ENOX2: variants seen among roughly 807,000 people sequenced by gnomAD.
ENOX2 encodes the protein APK1 antigen.
Under a neutral mutation model 45.0 loss-of-function variants are expected in ENOX2, and 36 were observed. That is an observed-to-expected ratio of 0.80 (90% CI 0.61 to 1.06). The LOEUF is 1.06. Ranked by LOEUF, ENOX2 falls within the 50% of genes least tolerant of loss-of-function variation. The probability of loss-of-function intolerance (pLI) is 0.00; values close to 1 mark genes in which losing one functional copy is unlikely to be tolerated. For missense variants in ENOX2, 423 were observed against 462.5 expected (o/e 0.91, Z 0.78); for synonymous variants, 174 against 152.3 (o/e 1.14, Z -1.05).
intron 3 of ENOX2, among the ~76,000 whole-genome samples, chrX:130,769,865 A>T (rs1291998021): frequency 8.9e-6 from 1 of 112,506 alleles, no homozygotes; most frequent in African/African-American, 3.2e-5. Flanking sequence ...CGATTAGCAA[A>T]CTTTTTATTT....
intron 2 of ENOX2, among the ~76,000 whole-genome samples, chrX:130,895,581 G>A (rs1461515507): frequency 1.8e-5 from 2 of 111,950 alleles, no homozygotes; most frequent in Admixed American, 9.5e-5. Flanking sequence ...TCTGCCTACC[G>A]AGGCATTTGG....
chrX:130,848,566 C>T (rs2078153012), intron 2 of ENOX2, among the ~76,000 whole-genome samples: 1 of 112,184 alleles, frequency 8.9e-6, no homozygotes, highest in Non-Finnish European at 1.9e-5. Context: ...CTAATTCTAT[C>T]TGGCCACAAA....
intron 2 of ENOX2, among the ~76,000 whole-genome samples, chrX:130,860,985 A>G (rs2078398856): frequency 1.8e-5 from 2 of 112,126 alleles, no homozygotes; most frequent in Admixed American, 1.9e-4. Flanking sequence ...ATCTATAAAA[A>G]TGACCAGGAG....
At chrX:130,900,246 T>C (rs779194221) in intron 2 of ENOX2, among the ~76,000 whole-genome samples, 1 of 113,094 alleles carries the variant, frequency 8.8e-6, no homozygotes, top group Non-Finnish European at 1.9e-5. Flanking sequence ...TATTTGTCTT[T>C]AAATGAACTG....
intron 2 of ENOX2, among the ~76,000 whole-genome samples, chrX:130,843,182 A>T (rs190392432): frequency 3.3e-3 from 363 of 111,513 alleles, no homozygotes; most frequent in African/African-American, 0.011. Context: ...CGTGTTCTCC[A>T]AGTCAGTAAA....
At chrX:130,739,793 T>C (rs751288438) in intron 3 of ENOX2, among the ~76,000 whole-genome samples, 1 of 111,915 alleles carries the variant, frequency 8.9e-6, no homozygotes, top group South Asian at 3.8e-4. Context: ...AACTCACCAA[T>C]ATATTTCTCC....
intron 13 of ENOX2, among the ~76,000 whole-genome samples, chrX:130,630,446 A>G (rs1275636661): frequency 9.0e-6 from 1 of 110,723 alleles, no homozygotes; most frequent in African/African-American, 3.3e-5. Flanking sequence ...CTAATCACCA[A>G]TAGCCAGTGA....
intron 14 of ENOX2, 91 bp downstream of exon 14, chrX:130,627,867 T>C: frequency 5.0e-6 from 3 of 596,641 alleles, no homozygotes; most frequent in Non-Finnish European, 5.9e-6. Context: ...AAGCAGTAAC[T>C]AATGACCTAT....
intron 2 of ENOX2, among the ~76,000 whole-genome samples, chrX:130,839,491 C>T (rs920753902): frequency 9.0e-6 from 1 of 111,269 alleles, no homozygotes; most frequent in Non-Finnish European, 1.9e-5. Context: ...AGGAATAGCC[C>T]GGGAAAAATG....
Position 130,833,612 on chromosome X carries a change from C to T in ENOX2, c.-182-49922G>A, listed in dbSNP as rs957741824. On this transcript the variant is annotated intron_variant, in intron 2 of 14. Coordinates refer to ENST00000394363, the MANE Select transcript of ENOX2 (RefSeq NM_006375.4). ...TGTCTTTGGGGATGCCTGACTTTAG[C>T]TTCCCTTCTAATGCCAGCATAGTAC... Among the ~76,000 whole-genome samples, 9 of 111,314 alleles carry T rather than the reference C, an allele frequency of 8.1e-5. No homozygotes were observed. The Admixed American group carries it at 8.6e-4, about 11-fold the overall frequency.
rs1473987386 is a variant in ENOX2, at chrX:130,783,662, A to C, written c.-154T>G. 3.1e-6 allele frequency: 1 copy of C among 322,064 alleles called. No individual in the cohort carries two copies. Among genetic ancestry groups the C allele is most frequent in the Non-Finnish European group, 6.0e-6 (1 of 167,081 alleles). The allele number at this position is 322,064 out of a possible 1,213,427, so 26.5% of individuals were successfully genotyped here. A position where few individuals can be genotyped will look rare whatever the true frequency, so the allele number is the denominator to read the frequency against. On this transcript the variant is annotated 5_prime_UTR_variant, in exon 3 of 15. Transcript: ENST00000394363. ...CAAACTGCAGGGGCTCGTTGTTGTTAGCAGGGTCAAAGGGCAGCTGGTTCA... is the reference window on the plus strand; with the variant it reads ...CAAACTGCAGGGGCTCGTTGTTGTTCGCAGGGTCAAAGGGCAGCTGGTTCA...
intron 2 of ENOX2, among the ~76,000 whole-genome samples, chrX:130,842,725 C>G (rs1487220249): frequency 9.0e-6 from 1 of 111,679 alleles, no homozygotes; most frequent in Admixed American, 9.5e-5. Context: ...CTGTGATACC[C>G]CCTAACTCTT....
chrX:130,799,205 G>T (rs2077178857), intron 2 of ENOX2, among the ~76,000 whole-genome samples: 1 of 111,727 alleles, frequency 9.0e-6, no homozygotes, highest in East Asian at 2.8e-4. Flanking sequence ...TAGACTGGCT[G>T]AGTCTTCTGG....
intron 3 of ENOX2, among the ~76,000 whole-genome samples, chrX:130,780,924 C>T (rs1474120726): frequency 9.0e-6 from 1 of 111,155 alleles, no homozygotes; most frequent in Non-Finnish European, 1.9e-5. Flanking sequence ...ATGAAATGGT[C>T]GGTAGCTCCT....
chrX:130,790,083 A>G (rs1205956140), intron 2 of ENOX2, among the ~76,000 whole-genome samples: 6 of 113,075 alleles, frequency 5.3e-5, no homozygotes, highest in Non-Finnish European at 1.1e-4. Context: ...TACTTTGTCA[A>G]TTTCATGAGT....
chrX:130,632,408 GACCAGCAGTCAAACTGAAAAAT>G (rs1480567492), intron 12 of ENOX2, among the ~76,000 whole-genome samples: 1 of 91,529 alleles, frequency 1.1e-5, no homozygotes, highest in Non-Finnish European at 2.2e-5. Context: ...TGAAATCCAT[GACCAGCAGTCAAACTGAAAAAT>G]ACCTCCAGAC....
At chrX:130,640,984 C>T (rs1454245955) in intron 10 of ENOX2, among the ~76,000 whole-genome samples, 1 of 111,399 alleles carries the variant, frequency 9.0e-6, no homozygotes. Flanking sequence ...AGGACCACTA[C>T]AAAAGTTGGA....
chrX:130,760,178 C>T (rs1316515908), intron 3 of ENOX2, among the ~76,000 whole-genome samples: 1 of 111,654 alleles, frequency 9.0e-6, no homozygotes, highest in Non-Finnish European at 1.9e-5. Context: ...AATGGACTCA[C>T]TTATTAGTTC....
chrX:130,866,478 T>C (rs927185841), intron 2 of ENOX2, among the ~76,000 whole-genome samples: 8 of 112,024 alleles, frequency 7.1e-5, no homozygotes, highest in African/African-American at 2.6e-4. Flanking sequence ...AGCTAATCTC[T>C]TGCTATTCAC....
Sources: allele counts gnomAD v4.1 joint callset (sites outside exome capture counted in the v4.1 genomes callset), GRCh38; gene constraint gnomAD v4.1.1; transcripts MANE v1.5; gene names NCBI Gene and HGNC (gene_info 2026-07-23, HGNC 2026-07-21).